Variants in ATP2C2 observed in about 807,000 individuals in gnomAD.
ATP2C2 encodes the protein calcium-transporting ATPase type 2C member 2.
Under a neutral mutation model 110.8 loss-of-function variants are expected in ATP2C2, and 171 were observed. The ratio of observed to expected loss-of-function variants is 1.54; its 90% CI spans 1.36 to 1.75. ATP2C2 has a LOEUF of 1.75. Ranked by LOEUF, ATP2C2 falls within the 40% of genes most tolerant of loss-of-function variation. The pLI, the probability that ATP2C2 is intolerant of heterozygous loss-of-function variation, is 0.00. For synonymous variants in ATP2C2, 804 were observed against 508.4 expected (o/e 1.58, Z -7.82); for missense variants, 1,963 against 1,235.0 (o/e 1.59, Z -8.84).
intron 2 of ATP2C2, among the ~76,000 whole-genome samples, chr16:84,398,858 C>T (rs1432886031): frequency 6.6e-6 from 1 of 152,206 alleles, no homozygotes; most frequent in African/African-American, 2.4e-5. Context: ...GTGTACGCTG[C>T]TTCTCTTCAG....
chr16:84,460,653 G>C lies in ATP2C2; in HGVS notation c.2334-1G>C. On this transcript the variant is annotated splice_acceptor_variant, in intron 23 of 26. Transcript: ENST00000262429. LOFTEE classifies it high-confidence loss of function. ...AAGTGTCTGTGTCTTGTTCGGAGCA[G>C]CTTGGGGGTAGAGCCCGTTGACAAA... is the stretch of plus-strand genomic sequence containing the variant. 1.2e-6 allele frequency: 2 copies of C among 1,614,228 alleles called. No homozygotes were observed. The highest frequency in any genetic ancestry group is 1.3e-5 in the African/African-American group (1 of 75,058).
At position 84,459,676 on chromosome 16, in the gene ATP2C2, C is replaced by G. The variant is rs1477759494; in HGVS notation, c.2333+290C>G. ...GCTCATTCTCATGCTTCATTCCAGT[C>G]ACCAGTCACTGCCTTCAGGAAGTCT... On this transcript the variant is annotated intron_variant, in intron 23 of 26. Coordinates refer to ENST00000262429, the MANE Select transcript of ATP2C2 (RefSeq NM_014861.4). 5 of 1,244,420 alleles carry G rather than the reference C, an allele frequency of 4.0e-6. No homozygotes were observed. The African/African-American group carries it at 7.5e-5, about 19-fold the overall frequency. 77.1% of individuals were successfully genotyped at this position (1,244,420 alleles called of 1,614,324 possible). A position where few individuals can be genotyped will look rare whatever the true frequency, so the allele number is the denominator to read the frequency against.
At chr16:84,377,364 C>A (rs1910309384) in intron 1 of ATP2C2, among the ~76,000 whole-genome samples, 1 of 152,150 alleles carries the variant, frequency 6.6e-6, no homozygotes, top group Admixed American at 6.5e-5. Flanking sequence ...TCTTTGTTGT[C>A]AATGAATATG....
chr16:84,385,691 G>T (rs548412613), intron 1 of ATP2C2, among the ~76,000 whole-genome samples: 1 of 152,172 alleles, frequency 6.6e-6, no homozygotes, highest in Admixed American at 6.5e-5. Context: ...CAGTCATGGC[G>T]GAAGGCACCT....
chr16:84,434,544 GTC>G (rs1908572435), intron 11 of ATP2C2, among the ~76,000 whole-genome samples: 1 of 151,606 alleles, frequency 6.6e-6, no homozygotes, highest in African/African-American at 2.4e-5. Context: ...TTGAGATGGA[GTC>G]TCTCTCTGTC....
At position 84,410,545 on chromosome 16, in the gene ATP2C2, A is replaced by T. The variant is rs761506775; in HGVS notation, c.418-23A>T. ...CTCCCACTGAGCCTCTGGTACTGAC[A>T]CCCTCCTCCGTTTGCTGTCTAGGCA... is the stretch of plus-strand genomic sequence containing the variant. On this transcript the variant is annotated intron_variant, in intron 4 of 26. Coordinates refer to ENST00000262429, the MANE Select transcript of ATP2C2 (RefSeq NM_014861.4). The T allele has an allele frequency of 2.5e-6, 4 of 1,613,054 alleles. No homozygotes were observed. The South Asian group carries it at 3.3e-5, about 13-fold the overall frequency.
chr16:84,393,121 G>C (rs1904758833), intron 1 of ATP2C2, among the ~76,000 whole-genome samples: 3 of 152,310 alleles, frequency 2.0e-5, no homozygotes, highest in East Asian at 1.9e-4. Flanking sequence ...TGTGTGTTTG[G>C]GGTTGGGTAG....
Position 84,462,458 on chromosome 16 carries a change from G to C in ATP2C2, c.2722+329G>C, listed in dbSNP as rs577665862. 23 of 229,542 alleles carry C rather than the reference G, an allele frequency of 1.0e-4. No individual in the cohort carries two copies. The East Asian group carries it at 1.9e-3, about 19-fold the overall frequency. 14.2% of individuals were successfully genotyped at this position (229,542 alleles called of 1,614,324 possible). A position where few individuals can be genotyped will look rare whatever the true frequency, so the allele number is the denominator to read the frequency against. Reference sequence around the variant, plus strand: ...AGGGAGCAAGGCCTGTACTCAGCCTGGGAGGTACCCCAGCTGGGGAGCCTG... The same window carrying C: ...AGGGAGCAAGGCCTGTACTCAGCCTCGGAGGTACCCCAGCTGGGGAGCCTG... On this transcript the variant is annotated intron_variant, in intron 26 of 26. Transcript: ENST00000262429.
chr16:84,372,798 CTGTT>C (rs985326529), intron 1 of ATP2C2, among the ~76,000 whole-genome samples: 2 of 151,978 alleles, frequency 1.3e-5, no homozygotes, highest in African/African-American at 4.8e-5. Flanking sequence ...ATAAACATAA[CTGTT>C]TGCTTATAAC....
intron 2 of ATP2C2, among the ~76,000 whole-genome samples, chr16:84,400,643 A>T (rs955405485): frequency 2.6e-5 from 4 of 152,128 alleles, no homozygotes; most frequent in African/African-American, 9.7e-5. Flanking sequence ...TAGTTTTTTG[A>T]GGAACCCTCC....
At chr16:84,401,693 C>T (rs570889231) in intron 2 of ATP2C2, among the ~76,000 whole-genome samples, 137 of 152,256 alleles carry the variant, frequency 9.0e-4, no homozygotes, top group African/African-American at 3.1e-3. Flanking sequence ...ATCTCTGTGT[C>T]TGTTTTTATG....
At chr16:84,392,417 A>G (rs1904714645) in intron 1 of ATP2C2, among the ~76,000 whole-genome samples, 1 of 152,138 alleles carries the variant, frequency 6.6e-6, no homozygotes, top group Non-Finnish European at 1.5e-5. Flanking sequence ...CCCAGCCTGC[A>G]CTTGGCTGGG....
intron 1 of ATP2C2, 95 bp downstream of exon 1, chr16:84,368,809 G>C (rs1909783639): frequency 9.0e-7 from 1 of 1,105,828 alleles, no homozygotes; most frequent in Non-Finnish European, 1.3e-6. Context: ...TTCGCGCTGC[G>C]ATCCGCGAAC....
chr16:84,373,731 G>A (rs1910094266), intron 1 of ATP2C2, among the ~76,000 whole-genome samples: 1 of 152,102 alleles, frequency 6.6e-6, no homozygotes, highest in Non-Finnish European at 1.5e-5. Flanking sequence ...TTCCTTCAAT[G>A]ACGTCATTCA....
chr16:84,440,251 G>C (rs11149655), intron 13 of ATP2C2, among the ~76,000 whole-genome samples: 58,730 of 152,112 alleles, frequency 0.39, 11,758 homozygotes, highest in East Asian at 0.55. Flanking sequence ...TCCCACCTCA[G>C]CCTCCCAAGT....
intron 11 of ATP2C2, among the ~76,000 whole-genome samples, chr16:84,435,940 C>A (rs1409052374): frequency 6.6e-6 from 1 of 152,186 alleles, no homozygotes; most frequent in Non-Finnish European, 1.5e-5. Context: ...ACCAGCCTGG[C>A]CAACATGGTG....
In ATP2C2 at chr16:84,459,076, C is replaced by CA. The variant is rs756381572; in HGVS notation, c.2148-43dup. On this transcript the variant is annotated intron_variant, in intron 21 of 26. Transcript: ENST00000262429. The stretch of plus-strand genomic sequence containing the variant: ...GCAACCGATGCACTGGTCCAGCCCT[C>CA]ACGCAGGCCCGCTCCGTGAGTAAAT... 13 of 1,607,904 alleles carry CA rather than the reference C, an allele frequency of 8.1e-6. No homozygotes were observed. The Admixed American group carries it at 1.8e-4, about 23-fold the overall frequency.
At chr16:84,459,789 G>C in intron 23 of ATP2C2, 1 of 545,508 alleles carries the variant, frequency 1.8e-6, no homozygotes, top group South Asian at 2.0e-5. Context: ...TTTCCTTATG[G>C]ATCTGATTGT....
chr16:84,391,031 T>C (rs975754106), intron 1 of ATP2C2, among the ~76,000 whole-genome samples: 1 of 146,840 alleles, frequency 6.8e-6, no homozygotes, highest in African/African-American at 2.5e-5. Context: ...GGAGAATGGC[T>C]TGAGCCCTGG....
Sources: allele counts gnomAD v4.1 joint callset (sites outside exome capture counted in the v4.1 genomes callset), GRCh38; gene constraint gnomAD v4.1.1; transcripts MANE v1.5; gene names NCBI Gene and HGNC (gene_info 2026-07-23, HGNC 2026-07-21).